The following IGF1 variants were observed in gnomAD, a reference collection of about 807,000 sequenced individuals.
The protein encoded by IGF1 is insulin like growth factor 1.
Under a neutral mutation model 13.8 loss-of-function variants are expected in IGF1, and 4 were observed. The ratio of observed to expected loss-of-function variants is 0.29; its 90% CI spans 0.14 to 0.66. The LOEUF (loss-of-function observed/expected upper bound fraction) is 0.66, where lower values mean the gene tolerates loss of function less well. Among genes scored for constraint, IGF1 ranks in the 30% least tolerant of loss-of-function variants. IGF1 has a pLI of 0.78. For missense variants in IGF1, 124 were observed against 188.5 expected (o/e 0.66, Z 2.00); for synonymous variants, 76 against 72.6 (o/e 1.05, Z -0.23).
In IGF1 at chr12:102,437,403, A is replaced by AT. The variant is rs1322018901; in HGVS notation, c.221-17714dup. Among the ~76,000 whole-genome samples the AT allele has an allele frequency of 4.6e-5, 7 of 152,228 alleles. No homozygotes were observed. The East Asian group carries it at 1.4e-3, about 29-fold the overall frequency. Reference sequence around the variant, plus strand: ...TAATCAAAAACATGGACCAAGATTGATTTTTCACTCTGTTAATTGTTCCTT... The same window carrying AT: ...TAATCAAAAACATGGACCAAGATTGATTTTTTCACTCTGTTAATTGTTCCTT... On this transcript the variant is annotated intron_variant, in intron 2 of 3. Coordinates refer to ENST00000337514, the MANE Select transcript of IGF1 (RefSeq NM_000618.5).
intron 1 of IGF1, chr12:102,478,336 A>G (rs1271168533): frequency 6.3e-6 from 3 of 477,098 alleles, no homozygotes; most frequent in East Asian, 6.9e-5. Flanking sequence ...ATCAGAAAAC[A>G]CTTTCTCAAA....
chr12:102,420,780 T>C (rs1379435553), intron 2 of IGF1, among the ~76,000 whole-genome samples: 1 of 152,218 alleles, frequency 6.6e-6, no homozygotes, highest in Non-Finnish European at 1.5e-5. Flanking sequence ...TCCTCCCTTA[T>C]CTCTCCTGGT....
intron 2 of IGF1, among the ~76,000 whole-genome samples, chr12:102,471,137 T>G (rs1162967952): frequency 4.0e-4 from 61 of 152,200 alleles, no homozygotes. Flanking sequence ...TGGCTCCTCT[T>G]ACTTTAACTG....
chr12:102,449,212 G>A (rs1878677193), intron 2 of IGF1, among the ~76,000 whole-genome samples: 1 of 152,156 alleles, frequency 6.6e-6, no homozygotes, highest in Non-Finnish European at 1.5e-5. Flanking sequence ...AGAATACTAT[G>A]CAGCCATGAA....
chr12:102,461,368 C>T (rs533410379), intron 2 of IGF1, among the ~76,000 whole-genome samples: 9 of 152,304 alleles, frequency 5.9e-5, no homozygotes, highest in African/African-American at 2.2e-4. Flanking sequence ...GTTTACCCTT[C>T]ACCTTCTGAT....
In IGF1 at chr12:102,417,795, T is replaced by C. The variant is rs772054875; in HGVS notation, c.402+1714A>G. On this transcript the variant is annotated intron_variant, in intron 3 of 3. Transcript: ENST00000337514. Reference sequence around the variant, plus strand: ...GCTCCTCTCTCATCATCCTTGCCTCTGTCTGTTTAATCCTCCTGTCCTTCA... The same window carrying C: ...GCTCCTCTCTCATCATCCTTGCCTCCGTCTGTTTAATCCTCCTGTCCTTCA... 5.0e-6 allele frequency: 8 copies of C among 1,613,474 alleles called. No homozygotes were observed. In the South Asian group the frequency reaches 8.8e-5, roughly 18 times the overall value.
intron 2 of IGF1, among the ~76,000 whole-genome samples, chr12:102,474,875 T>C (rs5742624): frequency 0.014 from 2,079 of 152,340 alleles, 20 homozygotes; most frequent in Middle Eastern, 0.027. Flanking sequence ...TTGACTTGGC[T>C]GTCTACTTTT....
chr12:102,432,315 A>C (rs1876808771), intron 2 of IGF1, among the ~76,000 whole-genome samples: 1 of 152,164 alleles, frequency 6.6e-6, no homozygotes, highest in South Asian at 2.1e-4. Context: ...CATTTAGGCT[A>C]TTTCTAGTTT....
At chr12:102,441,961 T>TCTTCTTCTTCTTCTTCTTCTTCTTC (rs1592786145) in intron 2 of IGF1, among the ~76,000 whole-genome samples, 3 of 14,018 alleles carry the variant, frequency 2.1e-4, no homozygotes, top group Admixed American at 1.8e-3. Context: ...TCTTCTTTTT[T>TCTTCTTCTTCTTCTTCTTCTTCTTC]TTTTTTGAGA....
At chr12:102,463,139 C>T (rs1277618582) in intron 2 of IGF1, 2 of 152,102 alleles carry the variant, frequency 1.3e-5, no homozygotes, top group African/African-American at 4.8e-5. Flanking sequence ...CTGATGAAAC[C>T]AGGAAAATTA....
At chr12:102,419,950 C>G (rs550903068) in intron 2 of IGF1, among the ~76,000 whole-genome samples, 2 of 152,306 alleles carry the variant, frequency 1.3e-5, no homozygotes, top group South Asian at 4.1e-4. Context: ...GTTTTGCAAC[C>G]TGTAGGCAAG....
At chr12:102,441,919 C>CTTT (rs1877805211) in intron 2 of IGF1, among the ~76,000 whole-genome samples, 2 of 119,388 alleles carry the variant, frequency 1.7e-5, no homozygotes, top group Admixed American at 2.0e-4. Context: ...TCTTCTCCTT[C>CTTT]TTCTTCTTCT....
intron 3 of IGF1, among the ~76,000 whole-genome samples, chr12:102,404,237 G>A (rs1873940789): frequency 6.6e-6 from 1 of 152,178 alleles, no homozygotes; most frequent in South Asian, 2.1e-4. Flanking sequence ...CTAAGGTAAT[G>A]AACACCCACA....
chr12:102,428,600 G>T (rs1876444374), intron 2 of IGF1, among the ~76,000 whole-genome samples: 1 of 152,072 alleles, frequency 6.6e-6, no homozygotes, highest in South Asian at 2.1e-4. Flanking sequence ...CACTTCTGTG[G>T]GCACTCAGAA....
rs1007651577 is a variant in IGF1, at chr12:102,403,696, A to G, written c.403-1130T>C. ...ATATTGCCCAGGCTGGTCTTCAACT[A>G]GTGGGCTCAGGTGATCTGCCTGGCC... On this transcript the variant is annotated intron_variant, in intron 3 of 3. Coordinates refer to ENST00000337514, the MANE Select transcript of IGF1 (RefSeq NM_000618.5). Among the ~76,000 whole-genome samples, 14 of 125,892 alleles carry G rather than the reference A, an allele frequency of 1.1e-4. No homozygotes were observed. The Admixed American group carries it at 1.2e-3, about 11-fold the overall frequency. The allele number at this position is 125,892 out of a possible 152,430, so 82.6% of individuals were successfully genotyped here. A position where few individuals can be genotyped will look rare whatever the true frequency, so the allele number is the denominator to read the frequency against.
At chr12:102,409,980 C>T (rs537511765) in intron 3 of IGF1, among the ~76,000 whole-genome samples, 20 of 152,094 alleles carry the variant, frequency 1.3e-4, no homozygotes, top group Non-Finnish European at 2.5e-4. Context: ...CCTTGGTTTC[C>T]GGAGCTCCGT....
At chr12:102,410,736 A>G (rs747688098) in intron 3 of IGF1, among the ~76,000 whole-genome samples, 24 of 152,112 alleles carry the variant, frequency 1.6e-4, no homozygotes, top group Non-Finnish European at 3.4e-4. Flanking sequence ...GCCCTCTTTC[A>G]CTCATTCCTT....
At chr12:102,423,426 G>T (rs1270403466) in intron 2 of IGF1, among the ~76,000 whole-genome samples, 1 of 152,154 alleles carries the variant, frequency 6.6e-6, no homozygotes, top group Non-Finnish European at 1.5e-5. Context: ...AATTTTTCTT[G>T]CTGACAAAGT....
chr12:102,453,310 G>T lies in IGF1; in HGVS notation c.220+22333C>A, dbSNP rs148871642. On this transcript the variant is annotated intron_variant, in intron 2 of 3. Coordinates refer to ENST00000337514, the MANE Select transcript of IGF1 (RefSeq NM_000618.5). ...GAGTTCCCTATAGAGCTTGGCATTT[G>T]TTTGTTTGTTTTGCTTTGTTTTGAA... 3.7e-3 allele frequency among the ~76,000 whole-genome samples: 561 copies of T among 152,216 alleles called. 2 individuals are homozygous for T. The highest frequency in any genetic ancestry group is 6.8e-3 in the Middle Eastern group (2 of 294).
Sources: allele counts gnomAD v4.1 joint callset (sites outside exome capture counted in the v4.1 genomes callset), GRCh38; gene constraint gnomAD v4.1.1; transcripts MANE v1.5; gene names NCBI Gene and HGNC (gene_info 2026-07-23, HGNC 2026-07-21).